ALCAM: variants seen among roughly 807,000 people sequenced by gnomAD.
ALCAM encodes the protein CD166 antigen.
A neutral mutation model predicts 70.9 loss-of-function variants in ALCAM; 30 were observed. The ratio of observed to expected loss-of-function variants is 0.42; its 90% CI spans 0.32 to 0.57. The LOEUF (loss-of-function observed/expected upper bound fraction) is 0.57. Ranked by LOEUF, ALCAM falls within the 20% of genes least tolerant of loss-of-function variation. The pLI, the probability that ALCAM is intolerant of heterozygous loss-of-function variation, is 0.11. For synonymous variants in ALCAM, 249 were observed against 242.5 expected (o/e 1.03, Z -0.25); for missense variants, 591 against 695.1 (o/e 0.85, Z 1.68).
chr3:105,494,979 C>T (rs1283807496), intron 1 of ALCAM, among the ~76,000 whole-genome samples: 1 of 152,074 alleles, frequency 6.6e-6, no homozygotes, highest in Non-Finnish European at 1.5e-5. Flanking sequence ...TCTCTTTACT[C>T]TTATGATGCC....
At chr3:105,524,570 C>T in intron 3 of ALCAM, 62 bp downstream of exon 3, 1 of 1,598,986 alleles carries the variant, frequency 6.3e-7, no homozygotes, top group Non-Finnish European at 8.5e-7. Context: ...AGACCATGTT[C>T]TTTAGAAAGA....
At chr3:105,449,780 A>T (rs749391949) in intron 1 of ALCAM, among the ~76,000 whole-genome samples, 4 of 152,090 alleles carry the variant, frequency 2.6e-5, no homozygotes, top group Non-Finnish European at 4.4e-5. Flanking sequence ...TAGGATTTAC[A>T]TTTGTCAGAA....
chr3:105,499,553 A>G (rs1176050406), intron 1 of ALCAM, among the ~76,000 whole-genome samples: 1 of 152,214 alleles, frequency 6.6e-6, no homozygotes, highest in African/African-American at 2.4e-5. Flanking sequence ...AAGAAAAGAA[A>G]TATTTTTTGC....
chr3:105,404,018 A>C (rs1251870912), intron 1 of ALCAM, among the ~76,000 whole-genome samples: 6 of 151,590 alleles, frequency 4.0e-5, no homozygotes, highest in Middle Eastern at 3.2e-3. Context: ...CTTTTGAATT[A>C]ACCCAATCTG....
chr3:105,453,834 T>C lies in ALCAM; in HGVS notation c.74-66233T>C, dbSNP rs150895365. Among the ~76,000 whole-genome samples, 604 of 152,296 alleles carry C rather than the reference T, an allele frequency of 4.0e-3. 5 individuals carry two copies. The highest frequency in any genetic ancestry group is 0.014 in the African/African-American group (573 of 41,568). On this transcript the variant is annotated intron_variant, in intron 1 of 15. Coordinates refer to ENST00000306107, the MANE Select transcript of ALCAM (RefSeq NM_001627.4). ...AGGTATTTTGTTCTCTTTGTAGAGA[T>C]TGTGAATGGGAGTTCATTCATGATT... is the stretch of plus-strand genomic sequence containing the variant.
intron 1 of ALCAM, among the ~76,000 whole-genome samples, chr3:105,435,373 G>C (rs1467558921): frequency 1.3e-5 from 2 of 152,162 alleles, no homozygotes; most frequent in African/African-American, 4.8e-5. Context: ...GTACTTTCCT[G>C]AGTAAATAAA....
chr3:105,525,386 A>G, intron 3 of ALCAM: 11 of 976,508 alleles, frequency 1.1e-5, no homozygotes, highest in Non-Finnish European at 1.2e-5. Context: ...TTAAAACTCA[A>G]ATAAAAAGTC....
intron 1 of ALCAM, among the ~76,000 whole-genome samples, chr3:105,430,244 A>G (rs1559788822): frequency 6.6e-6 from 1 of 151,990 alleles, no homozygotes; most frequent in Admixed American, 6.6e-5. Flanking sequence ...TAATATTGAT[A>G]TATTATTATC....
chr3:105,551,167 A>G (rs1469058357), intron 12 of ALCAM, among the ~76,000 whole-genome samples: 4 of 151,652 alleles, frequency 2.6e-5, no homozygotes, highest in Non-Finnish European at 1.5e-5. Flanking sequence ...CTCACAGATT[A>G]TGACTGGAAT....
chr3:105,382,941 T>C (rs1935564130), intron 1 of ALCAM, among the ~76,000 whole-genome samples: 1 of 151,880 alleles, frequency 6.6e-6, no homozygotes, highest in Non-Finnish European at 1.5e-5. Flanking sequence ...TAATATAGCA[T>C]TTAAAGTTTT....
chr3:105,552,677 A>G (rs1940438857), intron 14 of ALCAM, 92 bp downstream of exon 14: 3 of 1,585,900 alleles, frequency 1.9e-6, no homozygotes, highest in African/African-American at 2.7e-5. Flanking sequence ...TCGTGCATAT[A>G]ATTTATACAA....
intron 14 of ALCAM, among the ~76,000 whole-genome samples, chr3:105,567,619 G>A (rs1474249275): frequency 6.6e-6 from 1 of 152,064 alleles, no homozygotes; most frequent in Non-Finnish European, 1.5e-5. Context: ...CTAGTTTTCA[G>A]TCATAGAATT....
intron 1 of ALCAM, among the ~76,000 whole-genome samples, chr3:105,377,322 A>T (rs1935403520): frequency 6.6e-6 from 1 of 152,116 alleles, no homozygotes; most frequent in South Asian, 2.1e-4. Context: ...GTTATTGTCC[A>T]TATAAGCAAT....
intron 1 of ALCAM, among the ~76,000 whole-genome samples, chr3:105,475,206 A>G (rs796225514): frequency 2.0e-5 from 3 of 151,952 alleles, no homozygotes; most frequent in African/African-American, 4.8e-5. Flanking sequence ...TTGAATTTCA[A>G]CTGTCAAGCA....
chr3:105,448,223 C>A (rs914943457), intron 1 of ALCAM, among the ~76,000 whole-genome samples: 1 of 152,102 alleles, frequency 6.6e-6, no homozygotes, highest in Admixed American at 6.6e-5. Context: ...CAATTTAAAG[C>A]AATTTTCATG....
intron 1 of ALCAM, among the ~76,000 whole-genome samples, chr3:105,496,159 A>G (rs948581726): frequency 2.0e-5 from 3 of 152,154 alleles, no homozygotes; most frequent in Non-Finnish European, 4.4e-5. Flanking sequence ...TCCCCAATAC[A>G]TTGTAGTTTC....
At position 105,425,311 on chromosome 3, in the gene ALCAM, CTG is replaced by C. The variant is rs371218034; in HGVS notation, c.73+57836_73+57837del. 3.2e-4 allele frequency among the ~76,000 whole-genome samples: 49 copies of C among 151,734 alleles called. No individual in the cohort carries two copies. The East Asian group carries it at 8.8e-3, about 27-fold the overall frequency. On this transcript the variant is annotated intron_variant, in intron 1 of 15. Coordinates refer to ENST00000306107, the MANE Select transcript of ALCAM (RefSeq NM_001627.4). ...GGTTCTATTTGCTCTGTGTGTGCGC[CTG>C]TGTGTATGTTATATACCTAGGCTTG...
At chr3:105,389,377 T>TTTG (rs1277997534) in intron 1 of ALCAM, among the ~76,000 whole-genome samples, 2 of 127,212 alleles carry the variant, frequency 1.6e-5, no homozygotes, top group Non-Finnish European at 3.4e-5. Flanking sequence ...CATAGTTTTT[T>TTTG]TTTTTTTTTT....
chr3:105,562,009 G>C (rs1206293658), intron 14 of ALCAM, among the ~76,000 whole-genome samples: 1 of 152,196 alleles, frequency 6.6e-6, no homozygotes, highest in African/African-American at 2.4e-5. Context: ...CCTCCAGCCT[G>C]TCTCCTCCTC....
Sources: gnomAD v4.1 joint callset for allele counts (sites outside exome capture counted in the v4.1 genomes callset) on GRCh38, gnomAD v4.1.1 for gene constraint, MANE v1.5 for transcripts, NCBI Gene and HGNC (gene_info 2026-07-23, HGNC 2026-07-21) for gene names.